Variants in TENM2 observed in about 807,000 individuals in gnomAD.
TENM2 encodes the protein teneurin-2.
A neutral mutation model predicts 245.2 loss-of-function variants in TENM2; 52 were observed. The observed-to-expected ratio is 0.21, with a 90% CI of 0.17 to 0.27. The LOEUF (loss-of-function observed/expected upper bound fraction) is 0.27, where lower values mean the gene tolerates loss of function less well. Ranked by LOEUF, TENM2 falls within the 10% of genes least tolerant of loss-of-function variation. TENM2 has a pLI of 1.00. For synonymous variants in TENM2, 1,363 were observed against 1,438.9 expected (o/e 0.95, Z 1.19); for missense variants, 3,046 against 3,666.8 (o/e 0.83, Z 4.37).
chr5:167,523,963 G>A (rs1269907035), intron 2 of TENM2, among the ~76,000 whole-genome samples: 2 of 152,158 alleles, frequency 1.3e-5, no homozygotes, highest in Non-Finnish European at 2.9e-5. Context: ...AATGTGGTCT[G>A]ATCCTTGAGT....
intron 5 of TENM2, among the ~76,000 whole-genome samples, chr5:168,018,378 C>CT (rs60778530): frequency 0.071 from 10,114 of 143,164 alleles, 573 homozygotes; most frequent in African/African-American, 0.15. Flanking sequence ...GTTGTGAGCT[C>CT]TTTTTTTTTT....
At chr5:167,531,091 A>T (rs918413421) in intron 2 of TENM2, among the ~76,000 whole-genome samples, 10 of 152,182 alleles carry the variant, frequency 6.6e-5, no homozygotes, top group Non-Finnish European at 1.3e-4. Context: ...TCTGTTGACA[A>T]ATCTTGCTAA....
chr5:167,900,139 G>C lies in TENM2; in HGVS notation c.712+23944G>C, dbSNP rs867920889. 1.0e-3 allele frequency among the ~76,000 whole-genome samples: 126 copies of C among 121,180 alleles called. 3 individuals carry two copies. The highest frequency in any genetic ancestry group is 4.5e-3 in the African/African-American group (119 of 26,524). The allele number at this position is 121,180 out of a possible 152,430, so 79.5% of individuals were successfully genotyped here. ...AAAAAAAAAAAAAAAAAAAAGGGGGGGGGGGTTTTGGAAAGGAAAGGAATG... is the reference window on the plus strand; with the variant it reads ...AAAAAAAAAAAAAAAAAAAAGGGGGCGGGGGTTTTGGAAAGGAAAGGAATG... On this transcript the variant is annotated intron_variant, in intron 3 of 28. Coordinates refer to ENST00000518659, the Ensembl canonical transcript of TENM2.
the TENM2 span, among the ~76,000 whole-genome samples, chr5:167,007,103 T>C: frequency 6.6e-6 from 1 of 152,264 alleles, no homozygotes; most frequent in African/African-American, 2.4e-5. The surrounding 1 kb of genome is among the most constrained non-coding windows in gnomAD (Gnocchi z 4.2). Context: ...ATTCTCCTGC[T>C]ACTGATTGCT....
chr5:167,564,172 A>T (rs1469078816), intron 2 of TENM2, among the ~76,000 whole-genome samples: 1 of 152,214 alleles, frequency 6.6e-6, no homozygotes, highest in Admixed American at 6.5e-5. Context: ...AAGGAACAGA[A>T]AGGGAGGATG....
the TENM2 span, among the ~76,000 whole-genome samples, chr5:166,985,089 T>C: frequency 6.6e-6 from 1 of 152,190 alleles, no homozygotes; most frequent in Non-Finnish European, 1.5e-5. Context: ...TAAAGATTTT[T>C]GCTCTTTATG....
chr5:167,870,625 A>G (rs1451246780), intron 2 of TENM2, among the ~76,000 whole-genome samples: 2 of 147,974 alleles, frequency 1.4e-5, no homozygotes, highest in African/African-American at 4.9e-5. Flanking sequence ...ATATGTATAT[A>G]TATACACACA....
intron 5 of TENM2, among the ~76,000 whole-genome samples, chr5:168,034,054 TATATATATATGTGTATATATATGTATAC>T (rs2151966440): frequency 7.1e-6 from 1 of 140,204 alleles, no homozygotes; most frequent in South Asian, 2.3e-4. Flanking sequence ...TGTGTGTATA[TATATATATATGTGTATATATATGTATAC>T]ATATATATGT....
At chr5:168,153,264 T>C (rs961432285) in intron 12 of TENM2, among the ~76,000 whole-genome samples, 3 of 151,988 alleles carry the variant, frequency 2.0e-5, no homozygotes, top group African/African-American at 4.8e-5. Context: ...TCCTCAGAGA[T>C]TGTGATTTAA....
intron 1 of TENM2, among the ~76,000 whole-genome samples, chr5:167,288,342 G>T (rs1754414754): frequency 6.6e-6 from 1 of 152,118 alleles, no homozygotes; most frequent in Admixed American, 6.5e-5. Flanking sequence ...GGCGGATCAC[G>T]AGGTCAAGAG....
chr5:168,156,898 C>A (rs1757236125), intron 12 of TENM2, among the ~76,000 whole-genome samples: 1 of 152,124 alleles, frequency 6.6e-6, no homozygotes, highest in Non-Finnish European at 1.5e-5. Context: ...AGTTTTACAC[C>A]ATAGCAGGAA....
chr5:168,188,215 T>C (rs2152504960), intron 13 of TENM2, among the ~76,000 whole-genome samples: 1 of 152,298 alleles, frequency 6.6e-6, no homozygotes, highest in Non-Finnish European at 1.5e-5. Context: ...AATTACACTG[T>C]AGTAAATTTA....
exon 10 of TENM2, chr5:168,118,305 C>T (rs781142943): frequency 1.3e-6 from 2 of 1,595,300 alleles, no homozygotes; most frequent in Admixed American, 3.4e-5. Flanking sequence ...CCTGCCCTGT[C>T]CTGTGCAGTG....
intron 2 of TENM2, among the ~76,000 whole-genome samples, chr5:167,399,960 A>C (rs551632833): frequency 6.6e-6 from 1 of 152,264 alleles, no homozygotes; most frequent in South Asian, 2.1e-4. Flanking sequence ...TGATCGGGAA[A>C]TAAAGAAATA....
chr5:168,158,021 C>G (rs1195500928), intron 12 of TENM2, among the ~76,000 whole-genome samples: 1 of 152,184 alleles, frequency 6.6e-6, no homozygotes, highest in Non-Finnish European at 1.5e-5. Flanking sequence ...CTTCCGGGTT[C>G]AAATGATTCT....
chr5:167,928,895 CAAAAAAA>C (rs767167658), intron 3 of TENM2, among the ~76,000 whole-genome samples: 691 of 21,562 alleles, frequency 0.032, 5 homozygotes, highest in African/African-American at 0.12. Context: ...GACCCTGGCT[CAAAAAAA>C]AAAAAAAAAA....
intron 2 of TENM2, among the ~76,000 whole-genome samples, chr5:167,461,245 T>C (rs1320548387): frequency 6.6e-6 from 1 of 152,126 alleles, no homozygotes; most frequent in Non-Finnish European, 1.5e-5. Context: ...CTTTCTTTTT[T>C]AGGGCACTTG....
chr5:168,029,530 T>C (rs539005788), intron 5 of TENM2, among the ~76,000 whole-genome samples: 26 of 152,200 alleles, frequency 1.7e-4, no homozygotes, highest in Admixed American at 1.4e-3. Context: ...CCACAATATA[T>C]CCTTGGTGGA....
intron 2 of TENM2, among the ~76,000 whole-genome samples, chr5:167,599,056 C>T (rs185449785): frequency 5.8e-4 from 88 of 152,224 alleles, no homozygotes; most frequent in Admixed American, 3.4e-3. Flanking sequence ...AGTAGAGGAA[C>T]ATGGAAGCAG....
Sources: gnomAD v4.1 joint callset for allele counts (sites outside exome capture counted in the v4.1 genomes callset) on GRCh38, gnomAD v4.1.1 for gene constraint, Gnocchi (gnomAD v3.1) non-coding constraint, MANE v1.5 for transcripts, NCBI Gene and HGNC (gene_info 2026-07-23, HGNC 2026-07-21) for gene names.